Variants in BCL2L13 observed in about 807,000 individuals in gnomAD.
The protein encoded by BCL2L13 is bcl-2-like protein 13.
BCL2L13 carries 13 observed loss-of-function variants against 25.8 expected under a neutral mutation model. That is an observed-to-expected ratio of 0.50 (90% CI 0.33 to 0.80). BCL2L13 has a LOEUF of 0.80. BCL2L13 is among the 30% of genes least tolerant of loss of function. The pLI is 0.02. For synonymous variants in BCL2L13, 244 were observed against 230.3 expected (o/e 1.06, Z -0.54); for missense variants, 504 against 574.9 (o/e 0.88, Z 1.26).
At chr22:17,711,997 G>A (rs1437867966) in intron 6 of BCL2L13, among the ~76,000 whole-genome samples, 1 of 152,034 alleles carries the variant, frequency 6.6e-6, no homozygotes, top group East Asian at 1.9e-4. Context: ...AAGTTTGGAG[G>A]TGGGAGTTTA....
chr22:17,684,973 T>G (rs542525310), intron 3 of BCL2L13, among the ~76,000 whole-genome samples: 18 of 152,136 alleles, frequency 1.2e-4, no homozygotes, highest in Non-Finnish European at 1.9e-4. Flanking sequence ...CTGACCTTGT[T>G]TTCTGCCCGC....
upstream of BCL2L13, among the ~76,000 whole-genome samples, chr22:17,635,740 C>T (rs1049103547): frequency 6.6e-6 from 1 of 151,566 alleles, no homozygotes; most frequent in Non-Finnish European, 1.5e-5. Flanking sequence ...GACAGAGTCT[C>T]ACTCTGTCGC....
chr22:17,685,542 C>G (rs531572169), intron 3 of BCL2L13, among the ~76,000 whole-genome samples: 2 of 151,936 alleles, frequency 1.3e-5, no homozygotes, highest in Admixed American at 6.6e-5. Context: ...ATAATGTTTT[C>G]AAGGGTCATC....
chr22:17,719,747 G>A lies in BCL2L13; in HGVS notation c.601-6930G>A, dbSNP rs550207963. Among the ~76,000 whole-genome samples the A allele has an allele frequency of 5.1e-3, 751 of 147,758 alleles. 4 individuals carry two copies. The highest frequency in any genetic ancestry group is 0.016 in the African/African-American group (650 of 40,018). ...AGGAGGCTGAGGCAGGATAATCGCT[G>A]GAATCCGGGAGGCGGAGGTTGCAGT... is the stretch of plus-strand genomic sequence containing the variant. On this transcript the variant is annotated intron_variant, in intron 6 of 6. Coordinates refer to ENST00000317582, the MANE Select transcript of BCL2L13 (RefSeq NM_015367.4).
At chr22:17,628,921 A>C in exon 1 of BCL2L13, 1 of 506,556 alleles carries the variant, frequency 2.0e-6, no homozygotes, top group Non-Finnish European at 3.6e-6. Context: ...TTTTTTCCTA[A>C]ACTGGGATCT....
chr22:17,638,954 T>A, intron 1 of BCL2L13, 68 bp downstream of exon 1: 1 of 1,186,926 alleles, frequency 8.4e-7, no homozygotes, highest in Non-Finnish European at 1.1e-6. Flanking sequence ...GGTAGGAAAG[T>A]GCCCAGAGAC....
upstream of BCL2L13, among the ~76,000 whole-genome samples, chr22:17,637,704 A>C (rs193106064): frequency 4.1e-4 from 62 of 152,142 alleles, 1 homozygote; most frequent in South Asian, 1.0e-3. Flanking sequence ...CAAGGTCACT[A>C]AGCCTTTCCT....
intron 6 of BCL2L13, among the ~76,000 whole-genome samples, chr22:17,704,154 C>T (rs1601728058): frequency 6.6e-6 from 1 of 152,104 alleles, no homozygotes; most frequent in African/African-American, 2.4e-5. Context: ...TGCGCAATTG[C>T]AGCCCACTGC....
chr22:17,642,532 C>G (rs2058330172), intron 1 of BCL2L13, among the ~76,000 whole-genome samples: 1 of 151,948 alleles, frequency 6.6e-6, no homozygotes, highest in African/African-American at 2.4e-5. Flanking sequence ...TACTTTATTC[C>G]TTTTTATTGC....
upstream of BCL2L13, chr22:17,638,643 G>A (rs551353889): frequency 4.1e-6 from 5 of 1,225,260 alleles, no homozygotes; most frequent in Non-Finnish European, 3.1e-6. Context: ...TGGACGGAGA[G>A]ACCTCCGGGG....
intron 4 of BCL2L13, among the ~76,000 whole-genome samples, chr22:17,693,361 A>AGTGTTT (rs1437219483): frequency 5.1e-5 from 4 of 78,860 alleles, no homozygotes; most frequent in African/African-American, 8.8e-5. Context: ...TTATTTATTT[A>AGTGTTT]TTTAGTGTTT....
At chr22:17,668,129 C>T (rs1452312648) in intron 2 of BCL2L13, among the ~76,000 whole-genome samples, 2 of 151,106 alleles carry the variant, frequency 1.3e-5, no homozygotes, top group African/African-American at 4.9e-5. Flanking sequence ...TTCCACCTCA[C>T]CCTCCCAAGT....
At chr22:17,646,243 G>A (rs2058467539) in intron 1 of BCL2L13, among the ~76,000 whole-genome samples, 2 of 151,432 alleles carry the variant, frequency 1.3e-5, no homozygotes, top group African/African-American at 4.9e-5. Flanking sequence ...ATTATAGCAG[G>A]TTTTTTGTTT....
intron 2 of BCL2L13, among the ~76,000 whole-genome samples, chr22:17,681,180 G>A (rs891602997): frequency 3.3e-5 from 5 of 152,126 alleles, no homozygotes; most frequent in Non-Finnish European, 5.9e-5. Flanking sequence ...TGCAGTGGGT[G>A]TGAGTATGTG....
chr22:17,723,783 A>G (rs1435147216), intron 6 of BCL2L13, among the ~76,000 whole-genome samples: 1 of 152,052 alleles, frequency 6.6e-6, no homozygotes, highest in Admixed American at 6.6e-5. Flanking sequence ...AAATACAAGT[A>G]TTAGCTGGGC....
chr22:17,719,724 G>A (rs570744236), intron 6 of BCL2L13, among the ~76,000 whole-genome samples: 1 of 151,690 alleles, frequency 6.6e-6, no homozygotes, highest in Admixed American at 6.6e-5. Flanking sequence ...AGCTACTCAG[G>A]AGGCTGAGGC....
At chr22:17,634,608 T>TAGCACCC (rs2058076179), upstream of BCL2L13, among the ~76,000 whole-genome samples, 1 of 152,216 alleles carries the variant, frequency 6.6e-6, no homozygotes, top group Admixed American at 6.5e-5. Flanking sequence ...TTGCTTTTGC[T>TAGCACCC]AGCACCCAGC....
At chr22:17,653,029 C>CA (rs1003444126) in intron 1 of BCL2L13, among the ~76,000 whole-genome samples, 39 of 152,146 alleles carry the variant, frequency 2.6e-4, no homozygotes, top group Middle Eastern at 3.4e-3. Flanking sequence ...CGCGCCACTG[C>CA]ACTCCAGCCT....
chr22:17,639,045 C>T (rs1293629675), intron 1 of BCL2L13, among the ~76,000 whole-genome samples, 159 bp downstream of exon 1: 3 of 152,112 alleles, frequency 2.0e-5, no homozygotes, highest in Admixed American at 1.3e-4. Context: ...CTCCTTCGCC[C>T]GAAGGTGCTC....
Sources: allele counts gnomAD v4.1 joint callset (sites outside exome capture counted in the v4.1 genomes callset), GRCh38; gene constraint gnomAD v4.1.1; transcripts MANE v1.5; gene names NCBI Gene and HGNC (gene_info 2026-07-23, HGNC 2026-07-21).